The following TMEM232 variants were observed in gnomAD, a reference collection of about 807,000 sequenced individuals.
The protein encoded by TMEM232 is transmembrane protein 232.
A neutral mutation model predicts 78.8 loss-of-function variants in TMEM232; 80 were observed. That is an observed-to-expected ratio of 1.01 (90% CI 0.85 to 1.22). The LOEUF (loss-of-function observed/expected upper bound fraction) is 1.22. Among genes scored for constraint, TMEM232 ranks in the 50% most tolerant of loss-of-function variants. The pLI is 0.00. For missense variants in TMEM232, 881 were observed against 742.2 expected (o/e 1.19, Z -2.17); for synonymous variants, 297 against 254.3 (o/e 1.17, Z -1.60).
chr5:110,625,492 A>T (rs1162799747), intron 6 of TMEM232, 59 bp from the exon 7 acceptor site: 3 of 1,393,314 alleles, frequency 2.2e-6, no homozygotes, highest in Non-Finnish European at 2.8e-6. Flanking sequence ...ACTGTGTTTC[A>T]TTTGTCTTTT....
chr5:110,624,244 T>G (rs192587073), intron 7 of TMEM232, among the ~76,000 whole-genome samples: 2 of 152,130 alleles, frequency 1.3e-5, no homozygotes, highest in Non-Finnish European at 2.9e-5. Flanking sequence ...AATATATATT[T>G]TCAGTAATTA....
chr5:110,703,302 C>T (rs933491460), intron 1 of TMEM232, among the ~76,000 whole-genome samples: 38 of 152,078 alleles, frequency 2.5e-4, no homozygotes, highest in African/African-American at 8.0e-4. Flanking sequence ...ATGGACCCAA[C>T]GACAGACCTA....
At chr5:110,508,591 G>A (rs1767242413) in intron 12 of TMEM232, among the ~76,000 whole-genome samples, 1 of 150,572 alleles carries the variant, frequency 6.6e-6, no homozygotes. Flanking sequence ...ATATTGCAGA[G>A]TGCCTCAAGC....
intron 12 of TMEM232, among the ~76,000 whole-genome samples, chr5:110,454,111 A>T (rs1268724834): frequency 6.6e-6 from 1 of 152,180 alleles, no homozygotes; most frequent in Non-Finnish European, 1.5e-5. Context: ...CAGACAGAAA[A>T]TCAATAAGGA....
chr5:110,651,650 T>A (rs1788317791), intron 2 of TMEM232, among the ~76,000 whole-genome samples: 1 of 152,100 alleles, frequency 6.6e-6, no homozygotes, highest in Non-Finnish European at 1.5e-5. Flanking sequence ...GTTAACATTC[T>A]TAAAACATTA....
chr5:110,643,516 G>A (rs1327867548), intron 2 of TMEM232, among the ~76,000 whole-genome samples: 1 of 151,996 alleles, frequency 6.6e-6, no homozygotes, highest in African/African-American at 2.4e-5. Flanking sequence ...GTGACAATAA[G>A]GATGTACCAC....
intron 2 of TMEM232, among the ~76,000 whole-genome samples, chr5:110,652,218 T>C (rs1346622520): frequency 6.6e-6 from 1 of 151,790 alleles, no homozygotes; most frequent in East Asian, 1.9e-4. Context: ...TTTAAAATAA[T>C]AGTAAATTCA....
intron 10 of TMEM232, among the ~76,000 whole-genome samples, chr5:110,579,743 C>A (rs979123334): frequency 2.6e-5 from 4 of 151,392 alleles, no homozygotes; most frequent in African/African-American, 9.7e-5. Flanking sequence ...CACACACACA[C>A]AAAAGAAGAC....
chr5:110,559,435 C>A (rs1333855567), intron 11 of TMEM232, among the ~76,000 whole-genome samples: 1 of 151,854 alleles, frequency 6.6e-6, no homozygotes, highest in Non-Finnish European at 1.5e-5. Context: ...TATTTTAAAA[C>A]CAACAAAGAG....
chr5:110,467,448 C>A (rs778553003), intron 12 of TMEM232, among the ~76,000 whole-genome samples: 1 of 152,174 alleles, frequency 6.6e-6, no homozygotes, highest in Admixed American at 6.5e-5. Context: ...TTGAAGAGTT[C>A]TTTCAAATTC....
chr5:110,464,127 C>A (rs762567561), intron 12 of TMEM232, among the ~76,000 whole-genome samples: 4 of 152,222 alleles, frequency 2.6e-5, no homozygotes, highest in Non-Finnish European at 5.9e-5. Flanking sequence ...TCTCACACAC[C>A]GAAGTTACAC....
intron 1 of TMEM232, among the ~76,000 whole-genome samples, chr5:110,725,061 T>C (rs1321641360): frequency 6.6e-6 from 1 of 152,198 alleles, no homozygotes; most frequent in Non-Finnish European, 1.5e-5. Context: ...TTTAAAGAAA[T>C]GAATTCATTT....
At chr5:110,692,516 G>T (rs535180216) in intron 1 of TMEM232, among the ~76,000 whole-genome samples, 1 of 152,358 alleles carries the variant, frequency 6.6e-6, no homozygotes, top group South Asian at 2.1e-4. Flanking sequence ...GCCTCACACA[G>T]GAAGCGCAAG....
At chr5:110,464,148 C>G (rs919460613) in intron 12 of TMEM232, among the ~76,000 whole-genome samples, 2 of 152,054 alleles carry the variant, frequency 1.3e-5, no homozygotes, top group African/African-American at 4.8e-5. Context: ...ATTTGTTGTC[C>G]CCATTCAAGA....
intron 2 of TMEM232, among the ~76,000 whole-genome samples, chr5:110,654,068 T>C (rs1263903713): frequency 6.6e-6 from 1 of 152,144 alleles, no homozygotes; most frequent in East Asian, 1.9e-4. Context: ...AGTACTACAA[T>C]GGAATTGAGA....
At chr5:110,606,509 G>A (rs373893908) in intron 8 of TMEM232, among the ~76,000 whole-genome samples, 1 of 151,918 alleles carries the variant, frequency 6.6e-6, no homozygotes, top group Admixed American at 6.6e-5. Flanking sequence ...GTGCTCTGAC[G>A]AATCTGAGTA....
At chr5:110,580,725 A>G (rs1778111684) in intron 10 of TMEM232, among the ~76,000 whole-genome samples, 1 of 134,606 alleles carries the variant, frequency 7.4e-6, no homozygotes. Context: ...ACATAACCCC[A>G]AACAGGATAA....
chr5:110,403,792 T>G (rs1187413146), intron 2 of TMEM232, among the ~76,000 whole-genome samples: 1 of 151,260 alleles, frequency 6.6e-6, no homozygotes, highest in Non-Finnish European at 1.5e-5. Flanking sequence ...TCAGGGAGAG[T>G]TGAAGAGACC....
chr5:110,598,726 T>C (rs1174507944), intron 10 of TMEM232, among the ~76,000 whole-genome samples: 1 of 151,338 alleles, frequency 6.6e-6, no homozygotes. Flanking sequence ...ATGGATGAAA[T>C]TGGAAATTAT....
Sources: gnomAD v4.1 joint callset for allele counts (sites outside exome capture counted in the v4.1 genomes callset) on GRCh38, gnomAD v4.1.1 for gene constraint, MANE v1.5 for transcripts, NCBI Gene and HGNC (gene_info 2026-07-23, HGNC 2026-07-21) for gene names.